RANBP17: variants seen among roughly 807,000 people sequenced by gnomAD.
RANBP17 encodes ran-binding protein 17.
A neutral mutation model predicts 141.2 loss-of-function variants in RANBP17; 158 were observed. The ratio of observed to expected loss-of-function variants is 1.12; its 90% CI spans 0.98 to 1.28. The LOEUF is 1.28. Ranked by LOEUF, RANBP17 falls within the 50% of genes most tolerant of loss-of-function variation. RANBP17 has a pLI of 0.00. For missense variants in RANBP17, 1,438 were observed against 1,290.7 expected (o/e 1.11, Z -1.75); for synonymous variants, 430 against 450.0 (o/e 0.96, Z 0.56).
intron 1 of RANBP17, among the ~76,000 whole-genome samples, chr5:170,872,985 C>T (rs1384687659): frequency 1.3e-5 from 2 of 152,020 alleles, no homozygotes; most frequent in South Asian, 2.1e-4. Context: ...AATCTTGGCT[C>T]GCTGCAACCT....
chr5:171,013,644 A>G (rs1192731558), intron 14 of RANBP17, among the ~76,000 whole-genome samples: 2 of 151,924 alleles, frequency 1.3e-5, no homozygotes, highest in East Asian at 1.9e-4. Flanking sequence ...TCCTATCCCA[A>G]TATTTGGATT....
At chr5:170,873,112 C>T (rs896056871) in intron 1 of RANBP17, among the ~76,000 whole-genome samples, 6 of 152,020 alleles carry the variant, frequency 3.9e-5, no homozygotes, top group South Asian at 2.1e-4. Flanking sequence ...GGTTTTGCCA[C>T]GTTGGCCAGA....
chr5:171,041,948 G>C (rs1043952327), intron 14 of RANBP17, among the ~76,000 whole-genome samples: 1 of 151,966 alleles, frequency 6.6e-6, no homozygotes, highest in Non-Finnish European at 1.5e-5. Flanking sequence ...CTGTGTCCAT[G>C]TGTTCTCATT....
Position 171,205,615 on chromosome 5 carries a change from A to G in RANBP17, c.2231+3A>G. The stretch of plus-strand genomic sequence containing the variant: ...TACACCATGCTGTTTGACTGGATGT[A>G]TCCTTATTACACTGTGACAATACCA... On this transcript the variant is annotated splice_donor_region_variant and intron_variant, in intron 20 of 27. Coordinates refer to ENST00000523189, the MANE Select transcript of RANBP17 (RefSeq NM_022897.5). 2 of 1,610,412 alleles carry G rather than the reference A, an allele frequency of 1.2e-6. No homozygotes were observed. Among genetic ancestry groups the G allele is most frequent in the Non-Finnish European group, 1.7e-6 (2 of 1,176,684 alleles).
At chr5:171,049,036 G>A (rs954974566) in intron 14 of RANBP17, among the ~76,000 whole-genome samples, 3 of 152,146 alleles carry the variant, frequency 2.0e-5, no homozygotes. Flanking sequence ...TCTATTTTAA[G>A]TTCTTCGAGA....
At chr5:171,293,837 A>C (rs767992793) in intron 25 of RANBP17, 46 bp from the exon 26 acceptor site, 1 of 1,389,184 alleles carries the variant, frequency 7.2e-7, no homozygotes, top group Admixed American at 1.7e-5. Context: ...ATTAGGGGGA[A>C]CTCTGAGACA....
chr5:171,222,955 A>C (rs1291894921), intron 22 of RANBP17, among the ~76,000 whole-genome samples: 1 of 152,144 alleles, frequency 6.6e-6, no homozygotes. Context: ...GGTACCCAGA[A>C]ACAAATTGTA....
intron 5 of RANBP17, among the ~76,000 whole-genome samples, chr5:170,897,578 A>C (rs1361956507): frequency 6.6e-4 from 95 of 144,546 alleles, no homozygotes; most frequent in South Asian, 8.9e-4. Context: ...AACCCCCAAC[A>C]GGCCCCGGTG....
At chr5:171,158,560 A>G (rs984594934) in intron 14 of RANBP17, 12 of 176,186 alleles carry the variant, frequency 6.8e-5, no homozygotes, top group African/African-American at 2.8e-4. Context: ...GAAATGTGCT[A>G]AACACCTTAG....
At chr5:171,291,711 C>G (rs903167185) in intron 25 of RANBP17, among the ~76,000 whole-genome samples, 1 of 152,136 alleles carries the variant, frequency 6.6e-6, no homozygotes, top group Non-Finnish European at 1.5e-5. Flanking sequence ...CTGTTTCCCC[C>G]ATACCCTACT....
chr5:171,022,587 G>A (rs992971667), intron 14 of RANBP17, among the ~76,000 whole-genome samples: 3 of 152,196 alleles, frequency 2.0e-5, no homozygotes, highest in Non-Finnish European at 4.4e-5. Context: ...TGCCACAGCC[G>A]GTGTGTTGGG....
chr5:170,950,310 T>G (rs1397727576), intron 12 of RANBP17, among the ~76,000 whole-genome samples: 1 of 151,600 alleles, frequency 6.6e-6, no homozygotes, highest in Non-Finnish European at 1.5e-5. Flanking sequence ...GCCTGTTGAA[T>G]GGGAGAAAAT....
chr5:170,924,550 G>A lies in RANBP17; in HGVS notation c.1468G>A (p.Gly490Arg). Reference sequence around the variant, plus strand: ...AACTGTGGACATCACCATTCAGGAAGGTCAGTAAACTTTATATGACTACTG... The same window carrying A: ...AACTGTGGACATCACCATTCAGGAAAGTCAGTAAACTTTATATGACTACTG... ...GVTVDITIQE[G>R]RLAWLVYLVG... The change falls in exon 12 of 28, where the codon GGA (glycine) becomes AGA (arginine). Residue 490 changes from glycine to arginine, a missense_variant and splice_region_variant. Transcript: ENST00000523189. 6.3e-7 allele frequency: 1 copy of A among 1,588,160 alleles called. No individual in the cohort carries two copies. The highest frequency in any genetic ancestry group is 1.1e-5 in the South Asian group (1 of 89,840).
At chr5:171,059,383 G>A (rs1783647837) in intron 14 of RANBP17, among the ~76,000 whole-genome samples, 4 of 152,126 alleles carry the variant, frequency 2.6e-5, no homozygotes, top group Admixed American at 2.6e-4. Context: ...TCTACATATG[G>A]CTAGCCAGTT....
At chr5:170,983,501 G>A (rs925255175) in intron 14 of RANBP17, among the ~76,000 whole-genome samples, 6 of 152,110 alleles carry the variant, frequency 3.9e-5, no homozygotes, top group African/African-American at 1.4e-4. Context: ...AATATGTTAG[G>A]GAGTCAAAAG....
At chr5:170,881,192 C>G (rs765849364) in intron 2 of RANBP17, among the ~76,000 whole-genome samples, 1 of 152,110 alleles carries the variant, frequency 6.6e-6, no homozygotes, top group African/African-American at 2.4e-5. Context: ...AGGATTTGGT[C>G]AAGGGCCATA....
intron 14 of RANBP17, among the ~76,000 whole-genome samples, chr5:171,083,762 T>A (rs1055045840): frequency 2.0e-5 from 3 of 152,078 alleles, no homozygotes; most frequent in Non-Finnish European, 2.9e-5. Context: ...CCCATGCTGT[T>A]CTCATGATAG....
At chr5:171,032,685 A>G (rs191766486) in intron 14 of RANBP17, among the ~76,000 whole-genome samples, 25 of 152,274 alleles carry the variant, frequency 1.6e-4, no homozygotes, top group Admixed American at 7.9e-4. Flanking sequence ...GATTCCCGTC[A>G]TCACTGTAAT....
At chr5:171,216,488 A>G (rs1235412134) in intron 21 of RANBP17, among the ~76,000 whole-genome samples, 3 of 152,148 alleles carry the variant, frequency 2.0e-5, no homozygotes, top group African/African-American at 7.2e-5. Context: ...TAATCTATAA[A>G]TTACTTTGAG....
Sources: gnomAD v4.1 joint callset for allele counts (sites outside exome capture counted in the v4.1 genomes callset) on GRCh38, gnomAD v4.1.1 for gene constraint, MANE v1.5 for transcripts, NCBI Gene and HGNC (gene_info 2026-07-23, HGNC 2026-07-21) for gene names.